Variants in MARVELD2 observed in about 807,000 individuals in gnomAD.
MARVELD2 encodes MARVEL domain-containing protein 2.
Under a neutral mutation model 57.6 loss-of-function variants are expected in MARVELD2, and 49 were observed. The ratio of observed to expected loss-of-function variants is 0.85; its 90% CI spans 0.68 to 1.08. MARVELD2 has a LOEUF of 1.08. Ranked by LOEUF, MARVELD2 falls within the 50% of genes least tolerant of loss-of-function variation. The pLI is 0.00. For synonymous variants in MARVELD2, 238 were observed against 258.8 expected (o/e 0.92, Z 0.77); for missense variants, 606 against 701.1 (o/e 0.86, Z 1.53).
In MARVELD2 at chr5:69,444,016, A is replaced by AAAAAAAAAAAAAAAAAAAAG. The variant is rs1767400345; in HGVS notation, c.*2368_*2369insAAAAAAAAAAAAAGAAAAAA. The AAAAAAAAAAAAAAAAAAAAG allele has an allele frequency of 6.7e-6, 1 of 150,316 alleles. No homozygotes were observed. The highest frequency in any genetic ancestry group is 1.5e-5 in the Non-Finnish European group (1 of 67,568). 9.3% of individuals were successfully genotyped at this position (150,316 alleles called of 1,614,324 possible). A position where few individuals can be genotyped will look rare whatever the true frequency, so the allele number is the denominator to read the frequency against. On this transcript the variant is annotated 3_prime_UTR_variant, in exon 7 of 7. Coordinates refer to ENST00000325631, the MANE Select transcript of MARVELD2 (RefSeq NM_001038603.3). ...AGAAGAGCACCAGTGCTTTAAAAAA[A>AAAAAAAAAAAAAAAAAAAAG]AAAAAAGGTAAAATATTACCATTTT...
intron 5 of MARVELD2, among the ~76,000 whole-genome samples, chr5:69,435,480 G>A (rs1001760895): frequency 3.9e-5 from 6 of 151,932 alleles, no homozygotes; most frequent in Non-Finnish European, 7.4e-5. Context: ...TTGGCTGGGT[G>A]TGGTGGCTCA....
At position 69,436,402 on chromosome 5, in the gene MARVELD2, AACACACAC is replaced by A. The variant is rs66984523; in HGVS notation, c.1503+3353_1503+3360del. ...ACTAAATGTCAAATTTATGTATGGG[AACACACAC>A]ACACACACACACACACACACACACA... On this transcript the variant is annotated intron_variant, in intron 5 of 6. Transcript: ENST00000325631. 6.0e-3 allele frequency among the ~76,000 whole-genome samples: 745 copies of A among 123,892 alleles called. 7 individuals are homozygous for A. The highest frequency in any genetic ancestry group is 0.013 in the African/African-American group (422 of 32,446). 81.3% of individuals were successfully genotyped at this position (123,892 alleles called of 152,430 possible). A position where few individuals can be genotyped will look rare whatever the true frequency, so the allele number is the denominator to read the frequency against.
chr5:69,440,423 C>CT, intron 5 of MARVELD2, 27 bp from the exon 6 acceptor site: 1 of 1,137,018 alleles, frequency 8.8e-7, no homozygotes, highest in East Asian at 2.4e-5. Context: ...AATGTTTTAA[C>CT]TTAAGTATAC....
chr5:69,428,385 C>G lies in MARVELD2; in HGVS notation c.1182+3749C>G, dbSNP rs1270721064. Among the ~76,000 whole-genome samples the G allele has an allele frequency of 2.8e-5, 3 of 108,292 alleles. 1 individual carries two copies. Among genetic ancestry groups the G allele is most frequent in the Non-Finnish European group, 5.9e-5 (3 of 50,918 alleles). 71.0% of individuals were successfully genotyped at this position (108,292 alleles called of 152,430 possible). ...GGGTGTGGTGGCGCAAGCCTGTAAT[C>G]CCAGCTACTTGGGAGACTGAGGCGG... On this transcript the variant is annotated intron_variant, in intron 3 of 6. Transcript: ENST00000325631.
chr5:69,433,136 G>A, intron 5 of MARVELD2, 43 bp downstream of exon 5: 10 of 1,289,748 alleles, frequency 7.8e-6, no homozygotes, highest in Non-Finnish European at 1.1e-5. Flanking sequence ...GAAATCTAGA[G>A]GATGAATAAA....
chr5:69,428,221 GCCGGGC>G (rs1766859412), intron 3 of MARVELD2, among the ~76,000 whole-genome samples: 1 of 115,552 alleles, frequency 8.7e-6, no homozygotes, highest in African/African-American at 3.1e-5. Flanking sequence ...AAAAATTTAG[GCCGGGC>G]ATGGTGGCTC....
intron 3 of MARVELD2, among the ~76,000 whole-genome samples, chr5:69,429,264 TGGTGAGTTA>T (rs1388876759): frequency 6.6e-6 from 1 of 152,086 alleles, no homozygotes; most frequent in Non-Finnish European, 1.5e-5. Context: ...GTGTGCTATT[TGGTGAGTTA>T]AAGTGCTAGT....
chr5:69,422,984 G>A (rs1473846625), intron 2 of MARVELD2, among the ~76,000 whole-genome samples: 5 of 152,248 alleles, frequency 3.3e-5, no homozygotes, highest in South Asian at 2.1e-4. Flanking sequence ...TATAACCTCC[G>A]CTTCCCAGGT....
Position 69,419,657 on chromosome 5 carries a change from G to A in MARVELD2, c.272G>A (p.Arg91Lys). 1 of 1,614,174 alleles carries A rather than the reference G, an allele frequency of 6.2e-7. No homozygotes were observed. Among genetic ancestry groups the A allele is most frequent in the South Asian group, 1.1e-5 (1 of 91,084 alleles). Residue 91 changes from arginine to lysine, a missense_variant, in exon 2 of 7, where the codon AGA becomes AAA. Coordinates refer to ENST00000325631, the MANE Select transcript of MARVELD2 (RefSeq NM_001038603.3). ...FVPDSWKNFF[R>K]GKKKDPEWDK... is the part of the protein sequence containing the mutation. ...CCTGACTCCTGGAAGAACTTTTTCA[G>A]AGGGAAGAAAAAGGACCCCGAATGG...
chr5:69,424,692 AGGTC>A, intron 3 of MARVELD2, 56 bp downstream of exon 3: 1 of 1,359,470 alleles, frequency 7.4e-7, no homozygotes, highest in Non-Finnish European at 1.1e-6. Flanking sequence ...CTTTTCTCTT[AGGTC>A]TGTTTATCTA....
chr5:69,419,891 T>C lies in MARVELD2; in HGVS notation c.506T>C (p.Val169Ala). ...YGSLDRHTQT[V>A]RTYSEKVEEY... is the part of the protein sequence containing the mutation. ...TCTCTAGACCGACACACACAAACAG[T>C]TCGAACATACAGTGAGAAGGTGGAG... Residue 169 changes from valine to alanine, a missense_variant, in exon 2 of 7, where the codon GTT becomes GCT. Val to Ala is a moderately conservative substitution (Grantham distance 64). Transcript: ENST00000325631. The C allele has an allele frequency of 6.2e-7, 1 of 1,614,140 alleles. No homozygotes were observed. The highest frequency in any genetic ancestry group is 8.5e-7 in the Non-Finnish European group (1 of 1,180,038).
chr5:69,433,115 G>A, intron 5 of MARVELD2, 22 bp downstream of exon 5: 1 of 1,598,634 alleles, frequency 6.3e-7, no homozygotes, highest in South Asian at 1.1e-5. Flanking sequence ...CAGCTGCCTA[G>A]GAGGAGCACT....
At chr5:69,415,446 G>A (rs1766369450) in intron 1 of MARVELD2, 2 of 152,246 alleles carry the variant, frequency 1.3e-5, no homozygotes, top group Admixed American at 6.5e-5. Flanking sequence ...TCCCGGCTTA[G>A]TTTCGGCCTC....
rs1766627411 is a variant in MARVELD2, at chr5:69,421,604, AGC to A, written c.1146+1076_1146+1077del. 3.9e-5 allele frequency among the ~76,000 whole-genome samples: 6 copies of A among 152,062 alleles called. 1 individual carries two copies. The South Asian group carries it at 1.2e-3, about 32-fold the overall frequency. ...TTGAATCTGATGCATAGCAACAAAT[AGC>A]GCTTTGGTTTTAAAATTTTTTTAAT... On this transcript the variant is annotated intron_variant, in intron 2 of 6. Transcript: ENST00000325631.
rs1374442930 is a variant in MARVELD2 at position 69,443,829 on chromosome 5, T to G, written c.*2175T>G. 3 of 151,966 alleles carry G rather than the reference T, an allele frequency of 2.0e-5. No individual in the cohort carries two copies. The highest frequency in any genetic ancestry group is 2.9e-5 in the Non-Finnish European group (2 of 67,998). The allele number at this position is 151,966 out of a possible 1,614,324, so 9.4% of individuals were successfully genotyped here. On this transcript the variant is annotated 3_prime_UTR_variant, in exon 7 of 7. Transcript: ENST00000325631. Reference sequence around the variant, plus strand: ...TGGTTTTTATTTGTCAGTGAAATCTTTATGCATTCATTGTTAATATTTTAA... The same window carrying G: ...TGGTTTTTATTTGTCAGTGAAATCTGTATGCATTCATTGTTAATATTTTAA...
chr5:69,431,117 CTT>C (rs1316832807), intron 3 of MARVELD2, among the ~76,000 whole-genome samples: 29 of 132,648 alleles, frequency 2.2e-4, no homozygotes, highest in Non-Finnish European at 2.1e-4. Flanking sequence ...CTTTTCTTTT[CTT>C]TTTTTTTTTT....
intron 5 of MARVELD2, among the ~76,000 whole-genome samples, chr5:69,436,204 C>T (rs1371403857): frequency 6.6e-6 from 1 of 151,886 alleles, no homozygotes; most frequent in Non-Finnish European, 1.5e-5. Flanking sequence ...TTTGTAAAAA[C>T]TAAATGTCGG....
intron 2 of MARVELD2, among the ~76,000 whole-genome samples, chr5:69,424,036 TAA>T (rs924612613): frequency 3.3e-5 from 5 of 152,342 alleles, no homozygotes; most frequent in East Asian, 1.9e-4. Flanking sequence ...GCTAGTTGCA[TAA>T]GTTATTAAAT....
intron 3 of MARVELD2, 115 bp from the exon 4 acceptor site, chr5:69,432,412 A>G (rs2150926292): frequency 2.6e-6 from 3 of 1,151,080 alleles, no homozygotes; most frequent in Non-Finnish European, 3.8e-6. Flanking sequence ...AAGTGCTAGG[A>G]TTACAGGTTT....
Sources: gnomAD v4.1 joint callset for allele counts (sites outside exome capture counted in the v4.1 genomes callset) on GRCh38, gnomAD v4.1.1 for gene constraint, MANE v1.5 for transcripts, NCBI Gene and HGNC (gene_info 2026-07-23, HGNC 2026-07-21) for gene names.